The following CACNA2D2 variants were observed in gnomAD, a reference collection of about 807,000 sequenced individuals.
CACNA2D2 encodes the protein calcium voltage-gated channel auxiliary subunit alpha2delta 2.
A neutral mutation model predicts 166.4 loss-of-function variants in CACNA2D2; 48 were observed. The ratio of observed to expected loss-of-function variants is 0.29; its 90% CI spans 0.23 to 0.37. The LOEUF (loss-of-function observed/expected upper bound fraction) is 0.37, where lower values mean the gene tolerates loss of function less well. CACNA2D2 is among the 10% of genes least tolerant of loss of function. CACNA2D2 has a pLI of 1.00. For missense variants in CACNA2D2, 1,122 were observed against 1,433.0 expected (o/e 0.78, Z 3.50); for synonymous variants, 561 against 573.7 (o/e 0.98, Z 0.32).
intron 1 of CACNA2D2, among the ~76,000 whole-genome samples, chr3:50,483,652 GCAGCAATACC>G (rs904966207): frequency 7.9e-5 from 12 of 152,156 alleles, no homozygotes; most frequent in East Asian, 1.9e-4. Context: ...GAGCCAGGTA[GCAGCAATACC>G]CAGCAATACC....
At chr3:50,449,116 C>T (rs1447556364) in intron 2 of CACNA2D2, among the ~76,000 whole-genome samples, 1 of 152,226 alleles carries the variant, frequency 6.6e-6, no homozygotes, top group Non-Finnish European at 1.5e-5. Flanking sequence ...CCTTCTTAGC[C>T]AGTGGCTTAG....
chr3:50,438,176 C>G (rs1332000515), intron 2 of CACNA2D2, among the ~76,000 whole-genome samples: 1 of 152,168 alleles, frequency 6.6e-6, no homozygotes, highest in African/African-American at 2.4e-5. Flanking sequence ...AGGGACAATT[C>G]AGGAGTCTGT....
intron 1 of CACNA2D2, among the ~76,000 whole-genome samples, chr3:50,478,655 G>T (rs911587288): frequency 2.6e-5 from 4 of 152,156 alleles, no homozygotes; most frequent in Non-Finnish European, 5.9e-5. Context: ...AGGCATAGTG[G>T]GTTCAACTGA....
chr3:50,434,158 C>T (rs561406766), intron 3 of CACNA2D2, among the ~76,000 whole-genome samples, 155 bp downstream of exon 3: 2 of 152,276 alleles, frequency 1.3e-5, no homozygotes, highest in South Asian at 4.1e-4. Context: ...CCGCAGCTGC[C>T]CACATTCCAC....
intron 2 of CACNA2D2, among the ~76,000 whole-genome samples, chr3:50,446,625 C>T (rs541369035): frequency 1.3e-5 from 2 of 152,342 alleles, no homozygotes; most frequent in African/African-American, 4.8e-5. Context: ...AGCTGAGTCT[C>T]GGGTTCACAA....
At chr3:50,490,643 A>T (rs150732714) in intron 1 of CACNA2D2, among the ~76,000 whole-genome samples, 1 of 152,154 alleles carries the variant, frequency 6.6e-6, no homozygotes. Context: ...AGGCTGCTCC[A>T]TTTTCCACAG....
At chr3:50,415,710 CTG>C (rs1303539624) in intron 3 of CACNA2D2, 1 of 148,080 alleles carries the variant, frequency 6.8e-6, no homozygotes, top group South Asian at 2.1e-4. Flanking sequence ...AGGAACAATG[CTG>C]TTTGTTTTTC....
At chr3:50,496,608 C>T (rs930437952) in intron 1 of CACNA2D2, among the ~76,000 whole-genome samples, 1 of 152,198 alleles carries the variant, frequency 6.6e-6, no homozygotes, top group African/African-American at 2.4e-5. Context: ...CTGCAAATAC[C>T]CCCTAGATCC....
chr3:50,448,670 G>A (rs980679310), intron 2 of CACNA2D2, among the ~76,000 whole-genome samples: 20 of 152,132 alleles, frequency 1.3e-4, no homozygotes, highest in African/African-American at 4.8e-4. Context: ...CTGTGCTCAA[G>A]TACAGCACAC....
chr3:50,425,069 C>T (rs896715991), intron 3 of CACNA2D2, among the ~76,000 whole-genome samples: 2 of 152,106 alleles, frequency 1.3e-5, no homozygotes, highest in Non-Finnish European at 2.9e-5. Flanking sequence ...AGTGACTGGC[C>T]GCTCCCAGGG....
intron 1 of CACNA2D2, among the ~76,000 whole-genome samples, chr3:50,479,463 TAAAAG>T (rs1418240546): frequency 9.2e-5 from 14 of 152,256 alleles, no homozygotes; most frequent in East Asian, 1.9e-4. Context: ...GTCTCAGAGT[TAAAAG>T]AAAATAATTC....
Position 50,365,673 on chromosome 3 carries a change from C to T in CACNA2D2, c.2931G>A (p.Gln977=), listed in dbSNP as rs761888348. 6.3e-7 allele frequency: 1 copy of T among 1,585,794 alleles called. No individual in the cohort carries two copies. The highest frequency in any genetic ancestry group is 1.1e-5 in the South Asian group (1 of 87,480). Reference sequence around the variant, plus strand: ...TGTGGTAGATGAGGCCGTAGAGAAGCTGCTGGAACAGGGACCTGCAGCGCA... The same window carrying T: ...TGTGGTAGATGAGGCCGTAGAGAAGTTGCTGGAACAGGGACCTGCAGCGCA... ...TSAAAWSLFQ[Q]LLYGLIYHSW... The change falls in exon 34 of 38, where the codon CAG becomes CAA. Residue 977 remains glutamine (Q), a synonymous_variant. Transcript: ENST00000424201. The surrounding 1 kb of genome is among the most constrained non-coding windows in gnomAD (Gnocchi z 4.5).
intron 1 of CACNA2D2, among the ~76,000 whole-genome samples, chr3:50,480,369 G>A (rs2107110653): frequency 1.3e-5 from 2 of 152,212 alleles, no homozygotes; most frequent in South Asian, 4.1e-4. Flanking sequence ...GCTTTTACTG[G>A]ACAGTCCCCT....
chr3:50,408,659 G>A (rs1348820703), intron 3 of CACNA2D2, among the ~76,000 whole-genome samples: 2 of 152,238 alleles, frequency 1.3e-5, no homozygotes, highest in African/African-American at 4.8e-5. Flanking sequence ...TGTCAGAGCC[G>A]TGGGACACGG....
intron 3 of CACNA2D2, among the ~76,000 whole-genome samples, chr3:50,423,161 C>T (rs1267000568): frequency 6.6e-6 from 1 of 152,250 alleles, no homozygotes; most frequent in African/African-American, 2.4e-5. Context: ...TGGATCTCAG[C>T]TTGCCTGGTT....
Position 50,366,801 on chromosome 3 carries a change from G to A in CACNA2D2, c.2589+30C>T. 1 of 1,605,104 alleles carries A rather than the reference G, an allele frequency of 6.2e-7. No homozygotes were observed. The highest frequency in any genetic ancestry group is 8.5e-7 in the Non-Finnish European group (1 of 1,173,652). On this transcript the variant is annotated intron_variant, in intron 29 of 37. Coordinates refer to ENST00000424201, the MANE Select transcript of CACNA2D2 (RefSeq NM_006030.4). This position sits in a 1 kb window ranked among gnomAD's most constrained non-coding sequence, Gnocchi z 5.9. ...AGGGGACTCCAGGAAGGGCACTGCT[G>A]GGTTACTGCCCCCGCCCCTGCCCAA...
At chr3:50,374,681 C>CCAGGGTGCGGGGCAGAGGCAGGGTG (rs1559884320) in intron 22 of CACNA2D2, 56 bp downstream of exon 22, 34 of 1,548,134 alleles carry the variant, frequency 2.2e-5, no homozygotes, top group Non-Finnish European at 2.9e-5. Flanking sequence ...CTGGGGCCGG[C>CCAGGGTGCGGGGCAGAGGCAGGGTG]CAGGGTGCGG....
chr3:50,394,044 C>G, intron 4 of CACNA2D2, 65 bp downstream of exon 4: 1 of 1,467,538 alleles, frequency 6.8e-7, no homozygotes. Context: ...TCCCACCCCC[C>G]AGCATTCAAA....
intron 3 of CACNA2D2, among the ~76,000 whole-genome samples, chr3:50,416,479 C>A (rs1472879087): frequency 2.6e-5 from 4 of 152,220 alleles, no homozygotes; most frequent in Admixed American, 1.3e-4. Flanking sequence ...GCTCAGAGCT[C>A]CACGGCGGGG....
Sources: gnomAD v4.1 joint callset for allele counts (sites outside exome capture counted in the v4.1 genomes callset) on GRCh38, gnomAD v4.1.1 for gene constraint, Gnocchi (gnomAD v3.1) non-coding constraint, MANE v1.5 for transcripts, NCBI Gene and HGNC (gene_info 2026-07-23, HGNC 2026-07-21) for gene names.